DCDC1: variants seen among roughly 807,000 people sequenced by gnomAD.
DCDC1 encodes doublecortin domain containing 1, also known as doublecortin domain-containing protein 1.
A neutral mutation model predicts 178.3 loss-of-function variants in DCDC1; 200 were observed. The ratio of observed to expected loss-of-function variants is 1.12; its 90% confidence interval spans 1.00 to 1.26. The LOEUF (loss-of-function observed/expected upper bound fraction) is 1.26, where lower values mean the gene tolerates loss of function less well. Among genes scored for constraint, DCDC1 ranks in the 50% most tolerant of loss-of-function variants. The probability of loss-of-function intolerance (pLI) is 0.00; values close to 1 mark genes in which losing one functional copy is unlikely to be tolerated. For missense variants in DCDC1, 1,983 were observed against 1,749.2 expected (o/e 1.13, Z -2.38); for synonymous variants, 690 against 604.8 (o/e 1.14, Z -2.07).
chr11:31,066,528 A>G (rs1956258565), intron 18 of DCDC1, among the ~76,000 whole-genome samples: 1 of 152,216 alleles, frequency 6.6e-6, no homozygotes, highest in African/African-American at 2.4e-5. Context: ...AACGGCACTA[A>G]GGTACTTACA....
At chr11:31,106,482 C>G (rs1417447005) in intron 13 of DCDC1, among the ~76,000 whole-genome samples, 1 of 152,132 alleles carries the variant, frequency 6.6e-6, no homozygotes, top group Non-Finnish European at 1.5e-5. Flanking sequence ...GGGCTTGGGC[C>G]CCCCGTGGCG....
chr11:31,085,486 A>T (rs1262895186), intron 17 of DCDC1, among the ~76,000 whole-genome samples: 1 of 152,074 alleles, frequency 6.6e-6, no homozygotes, highest in African/African-American at 2.4e-5. Context: ...ATTGAATCAA[A>T]CAATATGTAC....
intron 10 of DCDC1, among the ~76,000 whole-genome samples, chr11:31,131,989 G>A (rs1017321039): frequency 2.6e-5 from 4 of 152,118 alleles, no homozygotes; most frequent in African/African-American, 7.2e-5. Context: ...GATGTCATTT[G>A]CACTCTAAAG....
At chr11:31,083,274 A>C (rs919875077) in intron 17 of DCDC1, among the ~76,000 whole-genome samples, 1 of 152,246 alleles carries the variant, frequency 6.6e-6, no homozygotes. Flanking sequence ...TGTAAGTCTG[A>C]AACTTCTTTT....
chr11:30,907,110 A>G (rs1945119278), intron 29 of DCDC1, among the ~76,000 whole-genome samples: 1 of 152,186 alleles, frequency 6.6e-6, no homozygotes, highest in South Asian at 2.1e-4. Context: ...CACTGCCCCA[A>G]AATGGGACAA....
At chr11:31,357,164 T>G (rs1389907615) in intron 1 of DCDC1, among the ~76,000 whole-genome samples, 1 of 152,138 alleles carries the variant, frequency 6.6e-6, no homozygotes, top group Non-Finnish European at 1.5e-5. Context: ...ATATCCCTGA[T>G]GAACATTGAT....
Position 30,878,705 on chromosome 11 carries a change from T to C in DCDC1, c.5240A>G (p.Lys1747Arg). ...GHGFKTPKEL[K>R]QLMEIRANYA... ...ATTTGCTCTGATCTCCATCAGTTGT[T>C]TTAACTCTGTTAAAAAAAAAAAAAA... The change falls in exon 38 of 39, where the codon AAA becomes AGA. Residue 1747 changes from lysine (K) to arginine (R), a missense_variant. By Grantham distance (26) the Lys-to-Arg change is conservative (BLOSUM62 2). Transcript: ENST00000684477. 2 of 1,547,100 alleles carry C rather than the reference T, an allele frequency of 1.3e-6. No homozygotes were observed. The highest frequency in any genetic ancestry group is 2.2e-5 in the Admixed American group (1 of 44,524).
At chr11:31,336,146 G>A (rs1950262622) in intron 1 of DCDC1, among the ~76,000 whole-genome samples, 1 of 152,334 alleles carries the variant, frequency 6.6e-6, no homozygotes, top group South Asian at 2.1e-4. Flanking sequence ...ATGCTAAGGG[G>A]AAAACTGATG....
intron 8 of DCDC1, among the ~76,000 whole-genome samples, chr11:31,264,799 G>T (rs558959185): frequency 6.6e-6 from 1 of 152,082 alleles, no homozygotes; most frequent in Non-Finnish European, 1.5e-5. Context: ...ATGATGTGCC[G>T]GAGCCAACTT....
At chr11:31,004,024 T>G (rs2135050970) in intron 20 of DCDC1, among the ~76,000 whole-genome samples, 1 of 152,238 alleles carries the variant, frequency 6.6e-6, no homozygotes, top group African/African-American at 2.4e-5. Flanking sequence ...AAGGAACTTT[T>G]GGAGGAATGA....
chr11:30,977,792 A>T (rs1347389865), intron 20 of DCDC1, among the ~76,000 whole-genome samples: 1 of 152,078 alleles, frequency 6.6e-6, no homozygotes, highest in Non-Finnish European at 1.5e-5. Context: ...CCAGCCGGGC[A>T]TTGTGGCTTG....
chr11:31,106,493 T>C (rs1958857950), intron 13 of DCDC1, among the ~76,000 whole-genome samples: 1 of 152,178 alleles, frequency 6.6e-6, no homozygotes, highest in Non-Finnish European at 1.5e-5. Context: ...CCCCGTGGCG[T>C]TTCCATCTGC....
chr11:31,058,512 T>C (rs916241781), intron 20 of DCDC1, among the ~76,000 whole-genome samples: 2 of 151,850 alleles, frequency 1.3e-5, no homozygotes, highest in Non-Finnish European at 2.9e-5. Flanking sequence ...AATGATAGGG[T>C]ATGAGCATGT....
intron 1 of DCDC1, among the ~76,000 whole-genome samples, chr11:31,343,315 C>CT (rs1950640080): frequency 6.6e-6 from 1 of 151,748 alleles, no homozygotes; most frequent in Non-Finnish European, 1.5e-5. Context: ...AAGACCCTGT[C>CT]TTTTTTTTGA....
chr11:31,143,450 C>T (rs1387191335), intron 9 of DCDC1, among the ~76,000 whole-genome samples: 1 of 152,026 alleles, frequency 6.6e-6, no homozygotes, highest in Non-Finnish European at 1.5e-5. Context: ...ATCCAATCAG[C>T]TGAAGTAGTA....
intron 11 of DCDC1, among the ~76,000 whole-genome samples, chr11:31,112,009 C>CAAAAAT (rs1959185280): frequency 6.6e-6 from 1 of 151,896 alleles, no homozygotes; most frequent in African/African-American, 2.4e-5. Flanking sequence ...AAAGTGTTCT[C>CAAAAAT]AAAAATAAAA....
At chr11:30,923,060 G>A (rs1946353514) in intron 23 of DCDC1, among the ~76,000 whole-genome samples, 1 of 152,022 alleles carries the variant, frequency 6.6e-6, no homozygotes, top group African/African-American at 2.4e-5. Flanking sequence ...TAGGAAAGAA[G>A]GAAGGAAGGA....
chr11:31,150,387 C>A (rs911086634), intron 9 of DCDC1, among the ~76,000 whole-genome samples: 3 of 152,128 alleles, frequency 2.0e-5, no homozygotes, highest in South Asian at 2.1e-4. Flanking sequence ...GAAATAATAT[C>A]ATTACATTAA....
chr11:31,311,276 T>C (rs530162356), intron 3 of DCDC1, among the ~76,000 whole-genome samples: 1 of 152,094 alleles, frequency 6.6e-6, no homozygotes, highest in Non-Finnish European at 1.5e-5. Context: ...ACGGCCCAGC[T>C]GGAGATAGGA....
Sources: gnomAD v4.1 joint callset for allele counts (sites outside exome capture counted in the v4.1 genomes callset) on GRCh38, gnomAD v4.1.1 for gene constraint, MANE v1.5 for transcripts, NCBI Gene and HGNC (gene_info 2026-07-23, HGNC 2026-07-21) for gene names.